EPHA8: variants seen among roughly 807,000 people sequenced by gnomAD.
The protein encoded by EPHA8 is EPH receptor A8.
A neutral mutation model predicts 103.6 loss-of-function variants in EPHA8; 58 were observed. The observed-to-expected ratio is 0.56, with a 90% CI of 0.45 to 0.70. The LOEUF is 0.70. Among genes scored for constraint, EPHA8 ranks in the 30% least tolerant of loss-of-function variants. The pLI is 0.00. For missense variants in EPHA8, 1,304 were observed against 1,395.2 expected (o/e 0.93, Z 1.04); for synonymous variants, 559 against 572.5 (o/e 0.98, Z 0.34).
At position 22,597,683 on chromosome 1, in the gene EPHA8, C is replaced by T. The variant is rs935850330; in HGVS notation, c.1938C>T (p.Ser646=). Residue 646 remains serine, a synonymous_variant, in exon 11 of 17, where the codon TCC becomes TCT. Coordinates refer to ENST00000166244, the MANE Select transcript of EPHA8 (RefSeq NM_020526.5). This position sits in a 1 kb window ranked among gnomAD's most constrained non-coding sequence, Gnocchi z 4.6. ...CCCTCTCGGGGCCTGCAGGAGACTC[C>T]GGGGAAGTCTGCTACGGGAGGCTGC... is the stretch of plus-strand genomic sequence containing the variant. ...HIEKIIGSGD[S]GEVCYGRLRV... 15 of 1,607,958 alleles carry T rather than the reference C, an allele frequency of 9.3e-6. No individual in the cohort carries two copies. The highest frequency in any genetic ancestry group is 2.2e-5 in the South Asian group (2 of 90,392).
rs140500411 is a variant in EPHA8, at chr1:22,596,344, G to A, written c.1765+171G>A. On this transcript the variant is annotated intron_variant, in intron 9 of 16. Transcript: ENST00000166244. ...ACCTGGTGCCCCAGAGGGCAGCGCCGTTCATGCCTCCTGGACTCTCAGACC... is the reference window on the plus strand; with the variant it reads ...ACCTGGTGCCCCAGAGGGCAGCGCCATTCATGCCTCCTGGACTCTCAGACC... Among the ~76,000 whole-genome samples the A allele has an allele frequency of 5.1e-3, 783 of 152,308 alleles. 3 individuals are homozygous for A. Among genetic ancestry groups the A allele is most frequent in the Middle Eastern group, 0.014 (4 of 294 alleles).
At chr1:22,583,432 C>T (rs377183661) in intron 3 of EPHA8, among the ~76,000 whole-genome samples, 4 of 152,374 alleles carry the variant, frequency 2.6e-5, no homozygotes, top group South Asian at 4.1e-4. Flanking sequence ...TCTCTCAGCT[C>T]TGGGACGGTG....
In EPHA8 at chr1:22,602,033, C is replaced by T. The variant is rs1024398525; in HGVS notation, c.*292C>T. The T allele has an allele frequency of 3.8e-6, 2 of 530,104 alleles. No individual in the cohort carries two copies. The highest frequency in any genetic ancestry group is 3.3e-6 in the Non-Finnish European group (1 of 302,406). 32.8% of individuals were successfully genotyped at this position (530,104 alleles called of 1,614,324 possible). On this transcript the variant is annotated 3_prime_UTR_variant, in exon 17 of 17. Transcript: ENST00000166244. ...CAGAGTCCAACAGGGACATCACTCG[C>T]CTGCCTCTGTGTGCGTGCATGTGTG...
chr1:22,578,958 CAT>C (rs1291361668), intron 3 of EPHA8, among the ~76,000 whole-genome samples: 1 of 135,148 alleles, frequency 7.4e-6, no homozygotes, highest in Non-Finnish European at 1.6e-5. Context: ...CATGTGTGTC[CAT>C]GTGTATGTTC....
In EPHA8 at chr1:22,563,563, C is replaced by A; in HGVS notation, c.-73C>A. 1 of 145,972 alleles carries A rather than the reference C, an allele frequency of 6.9e-6. No individual in the cohort carries two copies. The highest frequency in any genetic ancestry group is 1.9e-4 in the South Asian group (1 of 5,362). 9.0% of individuals were successfully genotyped at this position (145,972 alleles called of 1,614,324 possible). On this transcript the variant is annotated 5_prime_UTR_variant, in exon 1 of 17. Transcript: ENST00000166244. The surrounding 1 kb of genome is among the most constrained non-coding windows in gnomAD (Gnocchi z 4.4). ...TGCGGAGAGCGAGGGAGCGCGCTCC[C>A]TCCCGACGCGCGGGCCGCAGCGGCC...
At chr1:22,571,258 A>T (rs1640535782) in intron 2 of EPHA8, among the ~76,000 whole-genome samples, 1 of 152,250 alleles carries the variant, frequency 6.6e-6, no homozygotes, top group Non-Finnish European at 1.5e-5. Context: ...AGTTAGAACA[A>T]ATCAGGCAAC....
rs747032878 is a variant in EPHA8, at chr1:22,601,054, C to T, written c.2695C>T (p.Pro899Ser). The T allele has an allele frequency of 1.2e-6, 2 of 1,611,356 alleles. No individual in the cohort carries two copies. Among genetic ancestry groups the T allele is most frequent in the East Asian group, 4.5e-5 (2 of 44,868 alleles). The stretch of plus-strand genomic sequence containing the variant: ...TGTCCTCGATGCGCTCATCCGCAGC[C>T]CTGAGAGTCTCAGGGCCACCGCCAC... ...VSVLDALIRS[P>S]ESLRATATVS... The change falls in exon 15 of 17, where the codon CCT becomes TCT. Residue 899 changes from proline (P) to serine (S), a missense_variant. Physicochemically the swap from Pro to Ser is moderately conservative, Grantham distance 74. Transcript: ENST00000166244.
chr1:22,567,999 G>T lies in EPHA8; in HGVS notation c.95-1290G>T, dbSNP rs767808371. 1.3e-5 allele frequency among the ~76,000 whole-genome samples: 2 copies of T among 152,236 alleles called. No individual in the cohort carries two copies. Among genetic ancestry groups the T allele is most frequent in the Non-Finnish European group, 2.9e-5 (2 of 68,046 alleles). ...CCAAGGACACACAGCAGTTAGAGAC[G>T]GCTGAAGCCGGAGCCCTGATTTCTA... On this transcript the variant is annotated intron_variant, in intron 1 of 16. Coordinates refer to ENST00000166244, the MANE Select transcript of EPHA8 (RefSeq NM_020526.5). This position sits in a 1 kb window ranked among gnomAD's most constrained non-coding sequence, Gnocchi z 4.2.
intron 5 of EPHA8, among the ~76,000 whole-genome samples, chr1:22,591,932 C>G (rs532998545): frequency 6.6e-6 from 1 of 152,186 alleles, no homozygotes; most frequent in East Asian, 1.9e-4. Context: ...TTCCCAGCAC[C>G]AAAAGAACCC....
Position 22,567,298 on chromosome 1 carries a change from T to C in EPHA8, c.95-1991T>C, listed in dbSNP as rs1244063173. 6.6e-6 allele frequency among the ~76,000 whole-genome samples: 1 copy of C among 151,940 alleles called. No individual in the cohort carries two copies. Among genetic ancestry groups the C allele is most frequent in the East Asian group, 1.9e-4 (1 of 5,140 alleles). ...TCCTTCCCTCACCATCTCCCCAAAC[T>C]CGGCTTTGCTGGTCTGGGGGAAACT... On this transcript the variant is annotated intron_variant, in intron 1 of 16. Coordinates refer to ENST00000166244, the MANE Select transcript of EPHA8 (RefSeq NM_020526.5). The surrounding 1 kb of genome is among the most constrained non-coding windows in gnomAD (Gnocchi z 4.2).
At position 22,564,056 on chromosome 1, in the gene EPHA8, G is replaced by A. The variant is rs1226956311; in HGVS notation, c.94+327G>A. Among the ~76,000 whole-genome samples, 3 of 151,618 alleles carry A rather than the reference G, an allele frequency of 2.0e-5. No homozygotes were observed. The South Asian group carries it at 6.2e-4, about 32-fold the overall frequency. ...GGGGACAAGGGGACAGGACTGGACAGAAGACAAGAGAAGAGGTAAGGAGGA... is the reference window on the plus strand; with the variant it reads ...GGGGACAAGGGGACAGGACTGGACAAAAGACAAGAGAAGAGGTAAGGAGGA... On this transcript the variant is annotated intron_variant, in intron 1 of 16. Transcript: ENST00000166244.
intron 2 of EPHA8, among the ~76,000 whole-genome samples, chr1:22,570,883 C>A (rs376486806): frequency 6.6e-6 from 1 of 152,278 alleles, no homozygotes; most frequent in African/African-American, 2.4e-5. Flanking sequence ...GTGTGGCTGT[C>A]TTCCCCGCGT....
At chr1:22,587,307 G>A (rs993029979) in intron 4 of EPHA8, among the ~76,000 whole-genome samples, 18 of 152,146 alleles carry the variant, frequency 1.2e-4, no homozygotes, top group African/African-American at 3.6e-4. Context: ...AGGAGGAGGT[G>A]TGTGTGTGTG....
At chr1:22,592,052 T>C (rs1336462350) in intron 5 of EPHA8, among the ~76,000 whole-genome samples, 1 of 152,178 alleles carries the variant, frequency 6.6e-6, no homozygotes, top group East Asian at 1.9e-4. Flanking sequence ...GCCCAGCATG[T>C]GATAGGCACT....
At chr1:22,601,523 G>A (rs772004009) in intron 16 of EPHA8, 50 bp downstream of exon 16, 8 of 1,602,348 alleles carry the variant, frequency 5.0e-6, no homozygotes, top group Non-Finnish European at 6.8e-6. Flanking sequence ...GCAGGGGGGG[G>A]GACCCCTGCC....
intron 3 of EPHA8, among the ~76,000 whole-genome samples, chr1:22,581,022 G>A (rs1208675651): frequency 1.3e-5 from 2 of 152,188 alleles, no homozygotes; most frequent in Non-Finnish European, 2.9e-5. Context: ...ACTGTGTCCC[G>A]GCATTGGGGA....
chr1:22,563,538 T>G lies in EPHA8; in HGVS notation c.-98T>G, dbSNP rs1640256682. The G allele has an allele frequency of 6.9e-6, 1 of 144,772 alleles. No individual in the cohort carries two copies. The highest frequency in any genetic ancestry group is 1.5e-5 in the Non-Finnish European group (1 of 65,222). 9.0% of individuals were successfully genotyped at this position (144,772 alleles called of 1,614,324 possible). A position where few individuals can be genotyped will look rare whatever the true frequency, so the allele number is the denominator to read the frequency against. On this transcript the variant is annotated 5_prime_UTR_variant, in exon 1 of 17. Transcript: ENST00000166244. This position sits in a 1 kb window ranked among gnomAD's most constrained non-coding sequence, Gnocchi z 4.4. The stretch of plus-strand genomic sequence containing the variant: ...GCCGGGGTGTGCGCCCGGCCGGGTG[T>G]GCGGAGAGCGAGGGAGCGCGCTCCC...
chr1:22,603,494 A>AGT lies in EPHA8; in HGVS notation c.*1759_*1760dup, dbSNP rs1641797753. 1.3e-5 allele frequency: 2 copies of AGT among 150,954 alleles called. No homozygotes were observed. The highest frequency in any genetic ancestry group is 1.3e-4 in the Admixed American group (2 of 15,138). The allele number at this position is 150,954 out of a possible 1,614,324, so 9.4% of individuals were successfully genotyped here. ...TTGCAAAAGTGTGGCCCCTCACTCT[A>AGT]GTGTGTGGTCCCTCTCAGGGTCCTG... is the stretch of plus-strand genomic sequence containing the variant. On this transcript the variant is annotated 3_prime_UTR_variant, in exon 17 of 17. Transcript: ENST00000166244.
rs745323533 is a variant in EPHA8 at position 22,600,762 on chromosome 1, G to A, written c.2490G>A (p.Glu830=). The A allele has an allele frequency of 6.2e-6, 10 of 1,612,518 alleles. No individual in the cohort carries two copies. The Admixed American group carries it at 1.7e-4, about 27-fold the overall frequency. The part of the protein sequence containing the change: ...DVWSFGVVMW[E]VLAYGERPYW... ...GGAGCTTCGGCGTGGTCATGTGGGAGGTGCTGGCCTATGGGGAGCGGCCCT... is the reference window on the plus strand; with the variant it reads ...GGAGCTTCGGCGTGGTCATGTGGGAAGTGCTGGCCTATGGGGAGCGGCCCT... The change falls in exon 14 of 17, where the codon GAG becomes GAA. Residue 830 remains glutamate, a synonymous_variant. Coordinates refer to ENST00000166244, the MANE Select transcript of EPHA8 (RefSeq NM_020526.5).
Sources: gnomAD v4.1 joint callset for allele counts (sites outside exome capture counted in the v4.1 genomes callset) on GRCh38, gnomAD v4.1.1 for gene constraint, Gnocchi (gnomAD v3.1) non-coding constraint, MANE v1.5 for transcripts, NCBI Gene and HGNC (gene_info 2026-07-23, HGNC 2026-07-21) for gene names.